The following NPM2 variants were observed in gnomAD, a reference collection of about 807,000 sequenced individuals.
NPM2 encodes nucleophosmin/nucleoplasmin 2.
In NPM2, 25 loss-of-function variants were observed where a neutral mutation model predicts 32.0. The ratio of observed to expected loss-of-function variants is 0.78; its 90% confidence interval spans 0.57 to 1.09. NPM2 has a LOEUF of 1.09. Among genes scored for constraint, NPM2 ranks in the 50% least tolerant of loss-of-function variants. The pLI is 0.00. For missense variants in NPM2, 282 were observed against 259.9 expected, an observed-to-expected ratio of 1.08 and a Z score of -0.58; for synonymous variants, 111 against 94.2, an observed-to-expected ratio of 1.18 and a Z score of -1.04.
rs915674774 is a variant in NPM2 at position 22,036,701 on chromosome 8, G to C, written c.*19G>C. The stretch of plus-strand genomic sequence containing the variant: ...GAAATGAGGAGCCACGCCTTGGGGG[G>C]CACGGTGCAAAGTGGGCCTTCCCTG... On this transcript the variant is annotated 3_prime_UTR_variant, in exon 10 of 10. Coordinates refer to ENST00000518119, the MANE Select transcript of NPM2 (RefSeq NM_001286680.2). 18 of 1,543,312 alleles carry C rather than the reference G, an allele frequency of 1.2e-5. No individual in the cohort carries two copies. The highest frequency in any genetic ancestry group is 1.1e-5 in the Non-Finnish European group (13 of 1,145,174).
rs1414575304 is a variant in NPM2 at position 22,025,570 on chromosome 8, G to T, written c.144+49G>T. 6 of 1,613,476 alleles carry T rather than the reference G, an allele frequency of 3.7e-6. No individual in the cohort carries two copies. In the East Asian group the frequency reaches 1.3e-4, roughly 36 times the overall value. Reference sequence around the variant, plus strand: ...GGAAGATGGTGTCCGGGAACTTTCTGGTCCCAACGGAGGGCTATGGATTTC... The same window carrying T: ...GGAAGATGGTGTCCGGGAACTTTCTTGTCCCAACGGAGGGCTATGGATTTC... On this transcript the variant is annotated intron_variant, in intron 4 of 9. Transcript: ENST00000518119.
intron 5 of NPM2, among the ~76,000 whole-genome samples, chr8:22,032,910 C>T (rs1044804644): frequency 2.0e-4 from 30 of 152,206 alleles, no homozygotes; most frequent in African/African-American, 7.0e-4. Flanking sequence ...TAATCAGATT[C>T]CTCTATCTGA....
intron 5 of NPM2, among the ~76,000 whole-genome samples, chr8:22,027,074 A>G (rs1025457947): frequency 1.3e-5 from 2 of 152,218 alleles, no homozygotes; most frequent in Non-Finnish European, 2.9e-5. Flanking sequence ...CCATCCTGGG[A>G]TAAATACTAC....
chr8:22,026,117 C>T (rs550076339), intron 5 of NPM2, among the ~76,000 whole-genome samples: 14 of 152,264 alleles, frequency 9.2e-5, no homozygotes, highest in African/African-American at 2.6e-4. Flanking sequence ...CAGATCAGAG[C>T]GGCATTAGAT....
intron 5 of NPM2, among the ~76,000 whole-genome samples, chr8:22,031,501 A>G (rs1800438419): frequency 6.6e-6 from 1 of 152,248 alleles, no homozygotes; most frequent in African/African-American, 2.4e-5. Context: ...GCTGGCACGC[A>G]GTGGCGCAAT....
At chr8:22,033,582 G>A (rs191191693) in intron 6 of NPM2, among the ~76,000 whole-genome samples, 100 of 152,280 alleles carry the variant, frequency 6.6e-4, no homozygotes, top group Middle Eastern at 3.4e-3. Flanking sequence ...CCATAGCAAC[G>A]CAGACCATAG....
intron 4 of NPM2, 24 bp downstream of exon 4, chr8:22,025,545 G>A (rs766892833): frequency 6.2e-7 from 1 of 1,613,706 alleles, no homozygotes; most frequent in Non-Finnish European, 8.5e-7. Flanking sequence ...AAAGAGGGGA[G>A]GAAGATGGTG....
rs1208698748 is a variant in NPM2, at chr8:22,036,706, G to T, written c.*24G>T. The T allele has an allele frequency of 3.9e-6, 6 of 1,540,270 alleles. No homozygotes were observed. The highest frequency in any genetic ancestry group is 5.2e-6 in the Non-Finnish European group (6 of 1,144,218). ...GAGGAGCCACGCCTTGGGGGGCACG[G>T]TGCAAAGTGGGCCTTCCCTGGGCTG... On this transcript the variant is annotated 3_prime_UTR_variant, in exon 10 of 10. Transcript: ENST00000518119.
rs144741140 is a variant in NPM2, at chr8:22,025,992, C to G, written c.270+220C>G. ...TGTCTGCAAAAATTACACTTTAAAC[C>G]AGGGGTCCCCAACTGCCGGGTCAAG... is the stretch of plus-strand genomic sequence containing the variant. On this transcript the variant is annotated intron_variant, in intron 5 of 9. Transcript: ENST00000518119. Among the ~76,000 whole-genome samples, 1,221 of 152,214 alleles carry G rather than the reference C, an allele frequency of 8.0e-3. 13 individuals are homozygous for G. The highest frequency in any genetic ancestry group is 0.028 in the African/African-American group (1,163 of 41,516).
chr8:22,036,489 G>T lies in NPM2; in HGVS notation c.567-4G>T. 1 of 1,604,938 alleles carries T rather than the reference G, an allele frequency of 6.2e-7. No homozygotes were observed. Among genetic ancestry groups the T allele is most frequent in the South Asian group, 1.1e-5 (1 of 88,904 alleles). On this transcript the variant is annotated splice_region_variant and splice_polypyrimidine_tract_variant and intron_variant, in intron 8 of 9. Transcript: ENST00000518119. ...CACTCCTGCTCCGCTCCACCCTGTT[G>T]CAGAGCCAGCGTTAGAGACAAGAGC... is the stretch of plus-strand genomic sequence containing the variant.
At chr8:22,025,593 T>C in intron 4 of NPM2, 54 bp from the exon 5 acceptor site, 1 of 1,613,674 alleles carries the variant, frequency 6.2e-7, no homozygotes, top group Non-Finnish European at 8.5e-7. Context: ...GGCTATGGAT[T>C]TCTCCCGTCG....
chr8:22,031,230 C>T (rs1287273547), intron 5 of NPM2, among the ~76,000 whole-genome samples: 1 of 152,166 alleles, frequency 6.6e-6, no homozygotes, highest in Non-Finnish European at 1.5e-5. Context: ...TGTTAGCTTC[C>T]TTTAATGGTG....
Position 22,025,476 on chromosome 8 carries a change from A to C in NPM2, c.99A>C (p.Arg33Ser). ...AGGAGAGGCGGACTTGGACCTTCAG[A>C]CCCCAGCTGGAGGGGAAGCAGAGCT... ...LSQERRTWTF[R>S]PQLEGKQSCR... Residue 33 changes from arginine to serine, a missense_variant, in exon 4 of 10, where the codon AGA becomes AGC. Physicochemically the swap from Arg to Ser is moderately radical, Grantham distance 110. Coordinates refer to ENST00000518119, the MANE Select transcript of NPM2 (RefSeq NM_001286680.2). 11 of 1,613,938 alleles carry C rather than the reference A, an allele frequency of 6.8e-6. No individual in the cohort carries two copies. Among genetic ancestry groups the C allele is most frequent in the Non-Finnish European group, 9.3e-6 (11 of 1,179,972 alleles).
chr8:22,036,793 G>T lies in NPM2; in HGVS notation c.*111G>T, dbSNP rs2117471667. ...ACCTGTGTCTGAATGCAACAGGGGTGTTGCGGGGGCAACATGAGAGCCCCT... is the reference window on the plus strand; with the variant it reads ...ACCTGTGTCTGAATGCAACAGGGGTTTTGCGGGGGCAACATGAGAGCCCCT... On this transcript the variant is annotated 3_prime_UTR_variant, in exon 10 of 10. Transcript: ENST00000518119. 9.0e-7 allele frequency: 1 copy of T among 1,113,632 alleles called. No homozygotes were observed. The highest frequency in any genetic ancestry group is 3.1e-4 in the Middle Eastern group (1 of 3,270). 69.0% of individuals were successfully genotyped at this position (1,113,632 alleles called of 1,614,324 possible). A position where few individuals can be genotyped will look rare whatever the true frequency, so the allele number is the denominator to read the frequency against.
chr8:22,033,265 G>C (rs1482169642), intron 6 of NPM2, 42 bp downstream of exon 6: 1 of 1,463,240 alleles, frequency 6.8e-7, no homozygotes. Context: ...TGAGTACCGT[G>C]CTAGGCAGGG....
chr8:22,036,590 G>T, intron 9 of NPM2, 48 bp from the exon 10 acceptor site: 1 of 1,559,064 alleles, frequency 6.4e-7, no homozygotes, highest in Non-Finnish European at 8.7e-7. Context: ...GGGGCTGCCT[G>T]GTATGGAGAA....
intron 6 of NPM2, among the ~76,000 whole-genome samples, 159 bp from the exon 7 acceptor site, chr8:22,033,950 G>A (rs1305533447): frequency 6.6e-6 from 1 of 152,158 alleles, no homozygotes; most frequent in South Asian, 2.1e-4. Context: ...CAGAAAGGGT[G>A]CCGCCCTGTA....
chr8:22,035,163 A>G (rs930009590), intron 8 of NPM2, among the ~76,000 whole-genome samples: 3 of 152,264 alleles, frequency 2.0e-5, no homozygotes, highest in Non-Finnish European at 4.4e-5. Context: ...AAATGGAAGC[A>G]TTCTAAATGT....
rs1413374348 is a variant in NPM2, at chr8:22,033,223, G to A, written c.364G>A (p.Glu122Lys). ...PVFLSGQERY[E>K]ASDLTWEEEE... ...GTTCCTCAGTGGCCAGGAACGTTATGGTAAGTCAGAGCCTGCGATCAGGAA... is the reference window on the plus strand; with the variant it reads ...GTTCCTCAGTGGCCAGGAACGTTATAGTAAGTCAGAGCCTGCGATCAGGAA... The change falls in exon 6 of 10, where the codon GAA becomes AAA. Residue 122 changes from glutamate (E) to lysine (K), a missense_variant and splice_region_variant. Physicochemically the swap from Glu to Lys is moderately conservative, Grantham distance 56. Coordinates refer to ENST00000518119, the MANE Select transcript of NPM2 (RefSeq NM_001286680.2). The A allele has an allele frequency of 1.2e-6, 2 of 1,613,394 alleles. No individual in the cohort carries two copies. The highest frequency in any genetic ancestry group is 1.7e-6 in the Non-Finnish European group (2 of 1,179,416).
Sources: gnomAD v4.1 joint callset for allele counts (sites outside exome capture counted in the v4.1 genomes callset) on GRCh38, gnomAD v4.1.1 for gene constraint, MANE v1.5 for transcripts, NCBI Gene and HGNC (gene_info 2026-07-23, HGNC 2026-07-21) for gene names.